The following CCDC91 variants were observed in gnomAD, a reference collection of about 807,000 sequenced individuals.
CCDC91 encodes the protein coiled-coil domain-containing protein 91.
CCDC91 carries 48 observed loss-of-function variants against 63.2 expected under a neutral mutation model. The ratio of observed to expected loss-of-function variants is 0.76; its 90% CI spans 0.60 to 0.97. The LOEUF (loss-of-function observed/expected upper bound fraction) is 0.97. CCDC91 is among the 50% of genes least tolerant of loss of function. The pLI is 0.00. For missense variants in CCDC91, 500 were observed against 494.6 expected, an observed-to-expected ratio of 1.01 and a Z score of -0.10; for synonymous variants, 167 against 165.8, an observed-to-expected ratio of 1.01 and a Z score of -0.06.
intron 12 of CCDC91, among the ~76,000 whole-genome samples, chr12:28,538,824 T>C (rs1415011042): frequency 1.3e-5 from 2 of 152,214 alleles, no homozygotes; most frequent in Non-Finnish European, 2.9e-5. Flanking sequence ...TGGTATCTCA[T>C]TGTGGTTTTG....
chr12:28,497,381 G>A (rs1369158571), intron 12 of CCDC91, among the ~76,000 whole-genome samples: 1 of 151,574 alleles, frequency 6.6e-6, no homozygotes, highest in Non-Finnish European at 1.5e-5. Context: ...TGAACAAGGA[G>A]AAATTTCCAT....
intron 1 of CCDC91, among the ~76,000 whole-genome samples, chr12:28,235,073 G>A (rs1944850076): frequency 6.6e-6 from 1 of 152,106 alleles, no homozygotes; most frequent in Non-Finnish European, 1.5e-5. Context: ...TTTACAGCAT[G>A]GTAGTCTCAG....
chr12:28,421,521 G>A (rs1026915752), intron 8 of CCDC91, among the ~76,000 whole-genome samples: 24 of 151,628 alleles, frequency 1.6e-4, no homozygotes, highest in African/African-American at 5.3e-4. Flanking sequence ...CATCCATGCT[G>A]CAGCAAAGGA....
chr12:28,221,209 T>C (rs1943920788), intron 1 of CCDC91, among the ~76,000 whole-genome samples: 1 of 152,166 alleles, frequency 6.6e-6, no homozygotes. Context: ...TTATGTTTTT[T>C]GTTTCAAAGT....
intron 8 of CCDC91, among the ~76,000 whole-genome samples, chr12:28,430,005 T>C (rs1948544641): frequency 6.6e-6 from 1 of 152,086 alleles, no homozygotes; most frequent in Non-Finnish European, 1.5e-5. Flanking sequence ...AATTTTTTTT[T>C]CTAGCCTTCT....
chr12:28,210,819 G>T (rs1297919535), intron 1 of CCDC91, among the ~76,000 whole-genome samples: 1 of 151,964 alleles, frequency 6.6e-6, no homozygotes, highest in East Asian at 1.9e-4. Context: ...TGCCTAAGCT[G>T]GGAATTGCAC....
chr12:28,294,376 A>G (rs908123628), intron 3 of CCDC91, among the ~76,000 whole-genome samples: 7 of 152,068 alleles, frequency 4.6e-5, no homozygotes, highest in Non-Finnish European at 1.0e-4. Flanking sequence ...TGATTGGGTT[A>G]TGGAGGTGGT....
Position 28,547,067 on chromosome 12 carries a change from G to A in CCDC91, c.1216-1996G>A, listed in dbSNP as rs1943040774. 2.6e-5 allele frequency among the ~76,000 whole-genome samples: 4 copies of A among 152,080 alleles called. No individual in the cohort carries two copies. The South Asian group carries it at 6.2e-4, about 24-fold the overall frequency. ...AATGGCAATGAAATAAAGTGATTGT[G>A]TGGACCCTCTCAAACTTAAGAATTA... is the stretch of plus-strand genomic sequence containing the variant. On this transcript the variant is annotated intron_variant, in intron 12 of 12. Transcript: ENST00000536442.
intron 8 of CCDC91, among the ~76,000 whole-genome samples, chr12:28,405,641 A>T (rs1946889298): frequency 6.6e-6 from 1 of 152,184 alleles, no homozygotes; most frequent in Admixed American, 6.6e-5. Flanking sequence ...AAATTTGAAA[A>T]TGCTGAATAA....
intron 8 of CCDC91, among the ~76,000 whole-genome samples, chr12:28,416,798 C>G (rs1947689345): frequency 6.6e-6 from 1 of 152,076 alleles, no homozygotes; most frequent in African/African-American, 2.4e-5. Context: ...TTTGGTCAAG[C>G]AGAGTATCTT....
chr12:28,262,958 A>G (rs1209014641), intron 3 of CCDC91, among the ~76,000 whole-genome samples: 1 of 151,984 alleles, frequency 6.6e-6, no homozygotes, highest in Non-Finnish European at 1.5e-5. Context: ...CTAACCCTCC[A>G]CATTGCCTTC....
intron 3 of CCDC91, among the ~76,000 whole-genome samples, chr12:28,289,847 A>G (rs1057054561): frequency 1.3e-5 from 2 of 151,072 alleles, no homozygotes; most frequent in Non-Finnish European, 2.9e-5. Flanking sequence ...GCCCGCCACC[A>G]CGCCTGGCTA....
intron 2 of CCDC91, among the ~76,000 whole-genome samples, 160 bp from the exon 3 acceptor site, chr12:28,259,204 G>A (rs947649757): frequency 6.6e-6 from 1 of 151,862 alleles, no homozygotes; most frequent in Non-Finnish European, 1.5e-5. Context: ...AGTCATGATA[G>A]GAGTGGTAGG....
chr12:28,441,746 T>G (rs1949235198), intron 8 of CCDC91, among the ~76,000 whole-genome samples: 1 of 150,222 alleles, frequency 6.7e-6, no homozygotes. Flanking sequence ...CATATATATA[T>G]CTCATATATA....
intron 6 of CCDC91, among the ~76,000 whole-genome samples, chr12:28,308,903 G>T (rs896928057): frequency 1.4e-4 from 21 of 151,990 alleles, no homozygotes; most frequent in African/African-American, 4.8e-4. Context: ...CAGCAGGTAA[G>T]AGTAGTGTTT....
At chr12:28,379,154 C>A (rs1945126236) in intron 7 of CCDC91, among the ~76,000 whole-genome samples, 1 of 151,658 alleles carries the variant, frequency 6.6e-6, no homozygotes, top group Non-Finnish European at 1.5e-5. Context: ...AAAAATAATT[C>A]CAAAGATAAA....
At chr12:28,411,870 C>CT (rs1275561323) in intron 8 of CCDC91, among the ~76,000 whole-genome samples, 1 of 152,128 alleles carries the variant, frequency 6.6e-6, no homozygotes, top group Non-Finnish European at 1.5e-5. Context: ...CAGGCAGGTC[C>CT]TTCAGGAGGT....
intron 3 of CCDC91, among the ~76,000 whole-genome samples, chr12:28,269,137 A>G (rs958915731): frequency 6.6e-6 from 1 of 152,068 alleles, no homozygotes; most frequent in African/African-American, 2.4e-5. Flanking sequence ...TGTGTATTTT[A>G]AATGAACTTA....
intron 7 of CCDC91, among the ~76,000 whole-genome samples, chr12:28,380,439 G>C (rs1945230194): frequency 6.6e-6 from 1 of 151,974 alleles, no homozygotes; most frequent in Non-Finnish European, 1.5e-5. Context: ...TACTACATCA[G>C]GTTAATATTT....
Sources: allele counts gnomAD v4.1 joint callset (sites outside exome capture counted in the v4.1 genomes callset), GRCh38; gene constraint gnomAD v4.1.1; transcripts MANE v1.5; gene names NCBI Gene and HGNC (gene_info 2026-07-23, HGNC 2026-07-21).